The following METTL15 variants were observed in gnomAD, a reference collection of about 807,000 sequenced individuals.
METTL15 encodes 12S rRNA N(4)-cytidine methyltransferase METTL15.
METTL15 carries 34 observed loss-of-function variants against 38.3 expected under a neutral mutation model. That is an observed-to-expected ratio of 0.89 (90% confidence interval 0.68 to 1.18). METTL15 has a LOEUF of 1.18. Among genes scored for constraint, METTL15 ranks in the 50% most tolerant of loss-of-function variants. METTL15 has a pLI of 0.00. For missense variants in METTL15, 438 were observed against 498.4 expected (o/e 0.88, Z 1.15); for synonymous variants, 162 against 170.9 (o/e 0.95, Z 0.41).
chr11:28,168,469 T>C (rs1017475372), intron 3 of METTL15, among the ~76,000 whole-genome samples: 2 of 148,058 alleles, frequency 1.4e-5, no homozygotes, highest in Admixed American at 6.7e-5. Flanking sequence ...AAATGATGCT[T>C]TTTTTTTTTA....
chr11:28,418,123 G>C (rs1485593324), intron 5 of METTL15, among the ~76,000 whole-genome samples: 2 of 152,100 alleles, frequency 1.3e-5, no homozygotes, highest in East Asian at 3.9e-4. Context: ...CCAGCTGTCA[G>C]TCTTTGATAC....
chr11:28,233,544 G>C (rs1470863916), intron 4 of METTL15, among the ~76,000 whole-genome samples: 1 of 151,670 alleles, frequency 6.6e-6, no homozygotes, highest in Non-Finnish European at 1.5e-5. Context: ...CTCTATTGTT[G>C]GGCAAGTTAC....
chr11:28,194,286 C>A (rs1851826958), intron 3 of METTL15, among the ~76,000 whole-genome samples: 1 of 151,114 alleles, frequency 6.6e-6, no homozygotes, highest in East Asian at 2.0e-4. Context: ...GCAACCTCTA[C>A]CTCCTGGGTT....
In METTL15 at chr11:28,347,790, A is replaced by T. The variant is rs113163876; in HGVS notation, c.*190-4300A>T. Among the ~76,000 whole-genome samples the T allele has an allele frequency of 3.3e-5, 5 of 152,298 alleles. 1 individual carries two copies. The highest frequency in any genetic ancestry group is 1.2e-4 in the African/African-American group (5 of 41,580). On this transcript the variant is annotated intron_variant and NMD_transcript_variant, in intron 3 of 7. Coordinates refer to the METTL15 transcript ENST00000532947. ...GCCTAGAATGATTTCTCTCTAAGTTATATGACAGCTGCTTCATTTTGCAAG... is the reference window on the plus strand; with the variant it reads ...GCCTAGAATGATTTCTCTCTAAGTTTTATGACAGCTGCTTCATTTTGCAAG...
chr11:28,204,505 C>T (rs1387393656), intron 3 of METTL15, among the ~76,000 whole-genome samples: 1 of 130,216 alleles, frequency 7.7e-6, no homozygotes, highest in Non-Finnish European at 1.5e-5. Flanking sequence ...CCTCACGGAG[C>T]ATTTGTTAGA....
intron 4 of METTL15, among the ~76,000 whole-genome samples, chr11:28,284,766 T>C (rs555688610): frequency 4.6e-5 from 7 of 152,312 alleles, no homozygotes; most frequent in South Asian, 2.1e-4. Flanking sequence ...CTGATCGTTA[T>C]GGAATTCAGA....
At chr11:28,320,495 G>C (rs1170525595) in intron 6 of METTL15, among the ~76,000 whole-genome samples, 3 of 151,964 alleles carry the variant, frequency 2.0e-5, no homozygotes, top group Admixed American at 6.6e-5. Flanking sequence ...AGGGTTCAAG[G>C]CTGCAGTGTG....
chr11:28,374,081 G>C (rs1346947379), intron 5 of METTL15, among the ~76,000 whole-genome samples: 1 of 152,146 alleles, frequency 6.6e-6, no homozygotes, highest in African/African-American at 2.4e-5. Context: ...TTGTAGTATA[G>C]TTTGAAGTCA....
chr11:28,112,501 TCTC>T (rs1332440554), intron 2 of METTL15, among the ~76,000 whole-genome samples: 1 of 152,152 alleles, frequency 6.6e-6, no homozygotes, highest in Non-Finnish European at 1.5e-5. Context: ...TTTCAAAAGG[TCTC>T]CTGTTAATAT....
chr11:28,258,022 T>C (rs1303377432), intron 4 of METTL15, among the ~76,000 whole-genome samples: 1 of 152,222 alleles, frequency 6.6e-6, no homozygotes, highest in African/African-American at 2.4e-5. Context: ...GTACCCATCT[T>C]TCTTGGGAAG....
At chr11:28,228,587 C>T (rs1193677456) in intron 4 of METTL15, among the ~76,000 whole-genome samples, 4 of 151,606 alleles carry the variant, frequency 2.6e-5, no homozygotes, top group Non-Finnish European at 4.4e-5. Flanking sequence ...TTTATGTATA[C>T]ATATATACAT....
intron 6 of METTL15, among the ~76,000 whole-genome samples, chr11:28,425,363 T>C (rs926625760): frequency 2.0e-5 from 3 of 152,224 alleles, no homozygotes; most frequent in African/African-American, 7.2e-5. Context: ...GAATGTCACC[T>C]CCTTGGCCCT....
chr11:28,296,940 A>G lies in METTL15; in HGVS notation c.778+9A>G. Reference sequence around the variant, plus strand: ...TGCCAGCATCGTTGCAGGTAGCCTCATTAATTCTCAACAGTGTCTAAGAGA... The same window carrying G: ...TGCCAGCATCGTTGCAGGTAGCCTCGTTAATTCTCAACAGTGTCTAAGAGA... On this transcript the variant is annotated intron_variant, in intron 6 of 6. Coordinates refer to ENST00000407364, the MANE Select transcript of METTL15 (RefSeq NM_001113528.2). 2 of 1,613,272 alleles carry G rather than the reference A, an allele frequency of 1.2e-6. No individual in the cohort carries two copies. Among genetic ancestry groups the G allele is most frequent in the Non-Finnish European group, 1.7e-6 (2 of 1,179,494 alleles).
intron 4 of METTL15, among the ~76,000 whole-genome samples, chr11:28,233,764 A>G (rs995177046): frequency 2.0e-5 from 3 of 152,012 alleles, no homozygotes; most frequent in Admixed American, 1.3e-4. Context: ...TCAGTTGTCT[A>G]TATTCACTGT....
At chr11:28,226,058 G>T (rs1853464732) in intron 4 of METTL15, among the ~76,000 whole-genome samples, 1 of 151,676 alleles carries the variant, frequency 6.6e-6, no homozygotes. Flanking sequence ...TATTTAATTT[G>T]TTGACTTTCT....
chr11:28,468,387 C>T (rs1851275384), intron 6 of METTL15, among the ~76,000 whole-genome samples: 1 of 152,072 alleles, frequency 6.6e-6, no homozygotes, highest in African/African-American at 2.4e-5. Context: ...CACGAAAAAA[C>T]AATTTTGTTC....
At chr11:28,161,107 C>CTTTTTTTTTTTTTTTTTTT (rs10660185) in intron 3 of METTL15, among the ~76,000 whole-genome samples, 57 of 131,886 alleles carry the variant, frequency 4.3e-4, no homozygotes, top group Non-Finnish European at 6.0e-4. Flanking sequence ...TTGCACCTTC[C>CTTTTTTTTTTTTTTTTTTT]TTTTTTTTTT....
At chr11:28,255,526 G>C (rs569599452) in intron 4 of METTL15, among the ~76,000 whole-genome samples, 5 of 152,134 alleles carry the variant, frequency 3.3e-5, no homozygotes, top group Non-Finnish European at 5.9e-5. Flanking sequence ...TTGTGTTCCA[G>C]ATCTTAGAGA....
chr11:28,473,607 T>TC (rs1366380176), intron 6 of METTL15, among the ~76,000 whole-genome samples: 1 of 152,036 alleles, frequency 6.6e-6, no homozygotes, highest in African/African-American at 2.4e-5. Context: ...TCACAGAATC[T>TC]CCCTCACTGT....
Sources: gnomAD v4.1 joint callset for allele counts (sites outside exome capture counted in the v4.1 genomes callset) on GRCh38, gnomAD v4.1.1 for gene constraint, MANE v1.5 for transcripts, NCBI Gene and HGNC (gene_info 2026-07-23, HGNC 2026-07-21) for gene names.